Variants in KALRN observed in about 807,000 individuals in gnomAD.
KALRN encodes kalirin.
Under a neutral mutation model 353.7 loss-of-function variants are expected in KALRN, and 70 were observed. The observed-to-expected ratio is 0.20, with a 90% confidence interval of 0.16 to 0.24. The LOEUF (loss-of-function observed/expected upper bound fraction) is 0.24. KALRN is among the 10% of genes least tolerant of loss of function. The pLI is 1.00. For synonymous variants in KALRN, 1,391 were observed against 1,434.8 expected (o/e 0.97, Z 0.69); for missense variants, 2,791 against 3,756.7 (o/e 0.74, Z 6.72).
At chr3:124,330,037 TGTGGGTGG>T in intron 8 of KALRN, 45 bp downstream of exon 8, 1 of 1,601,902 alleles carries the variant, frequency 6.2e-7, no homozygotes, top group Non-Finnish European at 8.5e-7. Flanking sequence ...CATGTCTGCA[TGTGGGTGG>T]GTGATGAGGG....
At chr3:124,450,765 G>T (rs1258590093) in intron 21 of KALRN, among the ~76,000 whole-genome samples, 1 of 152,070 alleles carries the variant, frequency 6.6e-6, no homozygotes, top group African/African-American at 2.4e-5. Context: ...GTTTCACCAT[G>T]TTGGCCAGGC....
chr3:124,670,211 T>C (rs1271120888), intron 47 of KALRN, among the ~76,000 whole-genome samples: 1 of 152,220 alleles, frequency 6.6e-6, no homozygotes, highest in Non-Finnish European at 1.5e-5. Flanking sequence ...CCTGAACTCC[T>C]GGCCTCAAGT....
At chr3:124,327,275 T>G (rs2149410842) in intron 7 of KALRN, among the ~76,000 whole-genome samples, 1 of 152,274 alleles carries the variant, frequency 6.6e-6, no homozygotes, top group Non-Finnish European at 1.5e-5. Flanking sequence ...ATTCAAAAAC[T>G]GTTATTTGGT....
chr3:124,331,717 G>T (rs2080583080), intron 8 of KALRN, among the ~76,000 whole-genome samples: 2 of 152,140 alleles, frequency 1.3e-5, no homozygotes, highest in Admixed American at 6.5e-5. Flanking sequence ...GTACAAATGA[G>T]ATTAATATTA....
chr3:124,042,271 G>A (rs1019079012), intron 1 of KALRN, among the ~76,000 whole-genome samples: 4 of 152,220 alleles, frequency 2.6e-5, no homozygotes, highest in East Asian at 1.9e-4. Context: ...AGGTTGATTA[G>A]TTGATTCCTT....
At chr3:124,597,945 C>T (rs16835636) in intron 34 of KALRN, among the ~76,000 whole-genome samples, 23,530 of 152,052 alleles carry the variant, frequency 0.15, 1,946 homozygotes, top group Middle Eastern at 0.19. Flanking sequence ...GTAGGACGGT[C>T]CTGCCCTTAT....
Position 124,719,467 on chromosome 3 carries a change from G to A in KALRN, c.8958G>A (p.Thr2986=), listed in dbSNP as rs56197702. ...SYIVNRVNQG[T] ...TTGTCAACCGGGTGAACCAAGGGAC[G>A]TAGCCATCTCCCAGCCCCTATGGTT... The change falls in exon 60 of 60, where the codon ACG becomes ACA. Residue 2986 remains threonine, a synonymous_variant. Coordinates refer to ENST00000682506, the MANE Select transcript of KALRN (RefSeq NM_001388419.1). This position sits in a 1 kb window ranked among gnomAD's most constrained non-coding sequence, Gnocchi z 5.3. The A allele has an allele frequency of 1.1e-4, 174 of 1,610,906 alleles. 1 individual carries two copies. In the East Asian group the frequency reaches 2.6e-3, roughly 24 times the overall value.
In KALRN at chr3:124,413,598, C is replaced by T. The variant is rs762820913; in HGVS notation, c.2475C>T (p.Asn825=). ...CAGAACGGAAGCTAGCCATGAACAA[C>T]ATGACCTTTGAGGTTATCCAGCAGG... is the stretch of plus-strand genomic sequence containing the variant. ...RHTERKLAMN[N]MTFEVIQQGQ... The change falls in exon 14 of 60, where the codon AAC becomes AAT. Residue 825 remains asparagine (N), a synonymous_variant. Coordinates refer to ENST00000682506, the MANE Select transcript of KALRN (RefSeq NM_001388419.1). The T allele has an allele frequency of 9.3e-6, 15 of 1,614,138 alleles. No homozygotes were observed. The highest frequency in any genetic ancestry group is 1.1e-5 in the Non-Finnish European group (13 of 1,180,020).
intron 1 of KALRN, among the ~76,000 whole-genome samples, chr3:124,043,321 G>A (rs1259037683): frequency 2.0e-5 from 3 of 152,088 alleles, no homozygotes; most frequent in Non-Finnish European, 4.4e-5. Flanking sequence ...GGGGAGCAGA[G>A]TTGAGGGGAG....
At chr3:124,182,650 T>C (rs965497452) in intron 1 of KALRN, among the ~76,000 whole-genome samples, 1 of 152,206 alleles carries the variant, frequency 6.6e-6, no homozygotes, top group Admixed American at 6.5e-5. Context: ...GAGAGGATCA[T>C]TGGGGGCCTC....
At chr3:124,436,305 C>T (rs1490995027) in intron 17 of KALRN, among the ~76,000 whole-genome samples, 2 of 152,060 alleles carry the variant, frequency 1.3e-5, no homozygotes, top group East Asian at 3.8e-4. Context: ...ATTTCTGTTT[C>T]CTGTCTTGTT....
chr3:124,482,069 G>A (rs1031077996), intron 27 of KALRN, among the ~76,000 whole-genome samples: 2 of 152,182 alleles, frequency 1.3e-5, no homozygotes, highest in Non-Finnish European at 2.9e-5. Flanking sequence ...GAGACTAGAA[G>A]CACAAACAGC....
chr3:124,589,898 T>G (rs1479079493), intron 34 of KALRN, among the ~76,000 whole-genome samples: 1 of 152,134 alleles, frequency 6.6e-6, no homozygotes, highest in Non-Finnish European at 1.5e-5. Context: ...TTTGTCAGAG[T>G]TTGGTGAATC....
chr3:124,553,046 G>A (rs922861998), intron 33 of KALRN, among the ~76,000 whole-genome samples: 8 of 152,192 alleles, frequency 5.3e-5, no homozygotes, highest in African/African-American at 7.2e-5. Flanking sequence ...GATTACAGGC[G>A]TGAGCCACCG....
intron 34 of KALRN, among the ~76,000 whole-genome samples, chr3:124,605,586 A>AGAGAGAGAG (rs1393448627): frequency 4.1e-4 from 59 of 142,334 alleles, no homozygotes; most frequent in Admixed American, 2.1e-3. Flanking sequence ...AAAAAAAAAA[A>AGAGAGAGAG]AGAGAGAGAG....
intron 6 of KALRN, among the ~76,000 whole-genome samples, chr3:124,324,034 A>G (rs60567567): frequency 0.32 from 49,102 of 152,152 alleles, 8,056 homozygotes; most frequent in Admixed American, 0.36. Context: ...CCAAAGATCA[A>G]TGGGACTTAG....
At chr3:124,433,513 T>C (rs1293345514) in intron 16 of KALRN, among the ~76,000 whole-genome samples, 1 of 151,194 alleles carries the variant, frequency 6.6e-6, no homozygotes, top group East Asian at 1.9e-4. Flanking sequence ...AGAGGATTGC[T>C]TGAGCCCAGT....
At position 124,395,905 on chromosome 3, in the gene KALRN, C is replaced by T. The variant is rs118063326; in HGVS notation, c.2171+562C>T. 3.4e-4 allele frequency among the ~76,000 whole-genome samples: 52 copies of T among 152,312 alleles called. No homozygotes were observed. In the East Asian group the frequency reaches 8.7e-3, roughly 25 times the overall value. On this transcript the variant is annotated intron_variant, in intron 12 of 59. Transcript: ENST00000682506. Reference sequence around the variant, plus strand: ...AAAACTCCTTCTGCATCAACCTAAACAAACATAACTAAGGAGACAAATCCT... The same window carrying T: ...AAAACTCCTTCTGCATCAACCTAAATAAACATAACTAAGGAGACAAATCCT...
intron 2 of KALRN, among the ~76,000 whole-genome samples, chr3:124,230,327 C>G (rs1400589548): frequency 6.6e-6 from 1 of 152,186 alleles, no homozygotes; most frequent in Non-Finnish European, 1.5e-5. Context: ...CCTCTCCTTC[C>G]AGAGTCAGTT....
Sources: gnomAD v4.1 joint callset for allele counts (sites outside exome capture counted in the v4.1 genomes callset) on GRCh38, gnomAD v4.1.1 for gene constraint, Gnocchi (gnomAD v3.1) non-coding constraint, MANE v1.5 for transcripts, NCBI Gene and HGNC (gene_info 2026-07-23, HGNC 2026-07-21) for gene names.